The following ZNF616 variants were observed in gnomAD, a reference collection of about 807,000 sequenced individuals.
The protein encoded by ZNF616 is zinc finger protein 616.
Under a neutral mutation model 7.6 loss-of-function variants are expected in ZNF616, and 5 were observed. The observed-to-expected ratio is 0.66, with a 90% CI of 0.34 to 1.38. The LOEUF is 1.38. Ranked by LOEUF, ZNF616 falls within the 40% of genes most tolerant of loss-of-function variation. The pLI is 0.04. For synonymous variants in ZNF616, 319 were observed against 317.2 expected, an observed-to-expected ratio of 1.01 and a Z score of -0.06; for missense variants, 913 against 948.3, an observed-to-expected ratio of 0.96 and a Z score of 0.49.
In ZNF616 at chr19:52,115,721, T is replaced by C; in HGVS notation, c.1443A>G (p.Ala481=). ...CTCCAGTATGAATTCTCTGATGAGC[T>C]GCAAGTCGTGAATGTATGCTGAAAA... ...GKVFSIHSRL[A]AHQRIHTGEK... The change falls in exon 4 of 4, where the codon GCA becomes GCG. Residue 481 remains alanine (A), a synonymous_variant. Transcript: ENST00000600228. The C allele has an allele frequency of 6.2e-7, 1 of 1,614,184 alleles. No homozygotes were observed. The highest frequency in any genetic ancestry group is 8.5e-7 in the Non-Finnish European group (1 of 1,180,024).
intron 2 of ZNF616, among the ~76,000 whole-genome samples, chr19:52,125,522 C>G (rs1364395289): frequency 6.6e-6 from 1 of 152,180 alleles, no homozygotes; most frequent in African/African-American, 2.4e-5. Flanking sequence ...TTCTAGACAT[C>G]CTGGAGTAGG....
At chr19:52,128,292 G>A (rs1230792217) in intron 2 of ZNF616, among the ~76,000 whole-genome samples, 1 of 151,978 alleles carries the variant, frequency 6.6e-6, no homozygotes, top group African/African-American at 2.4e-5. Flanking sequence ...TGGACTGTGA[G>A]GAGGTTTCAT....
chr19:52,131,740 A>G (rs923487314), intron 1 of ZNF616, among the ~76,000 whole-genome samples: 1 of 152,156 alleles, frequency 6.6e-6, no homozygotes, highest in Non-Finnish European at 1.5e-5. Context: ...TTGGGTTGCC[A>G]TTTTCCCCAG....
In ZNF616 at chr19:52,116,622, C is replaced by T. The variant is rs747966574; in HGVS notation, c.542G>A (p.Arg181Lys). 48 of 1,613,782 alleles carry T rather than the reference C, an allele frequency of 3.0e-5. No individual in the cohort carries two copies. In the East Asian group the frequency reaches 1.0e-3, roughly 34 times the overall value. ...NNGCLVSPHIREKTYVCNECG... is the reference protein window; with the variant it reads ...NNGCLVSPHIKEKTYVCNECG... ...TTCATTACATACATACGTTTTTTCC[C>T]TAATGTGTGGAGAAACTAAACAACC... The change falls in exon 4 of 4, where the codon AGG (arginine) becomes AAG (lysine). Residue 181 changes from arginine (R) to lysine (K), a missense_variant. Transcript: ENST00000600228.
At chr19:52,137,053 G>GTGTATATATATA (rs958896902) in intron 1 of ZNF616, among the ~76,000 whole-genome samples, 3 of 143,714 alleles carry the variant, frequency 2.1e-5, no homozygotes, top group African/African-American at 7.8e-5. Flanking sequence ...TTATGTATGT[G>GTGTATATATATA]TATATATATA....
At chr19:52,131,137 A>G (rs2088956535) in intron 1 of ZNF616, among the ~76,000 whole-genome samples, 1 of 152,014 alleles carries the variant, frequency 6.6e-6, no homozygotes, top group Non-Finnish European at 1.5e-5. Flanking sequence ...GCATGGTGGC[A>G]CACCCCTTAA....
intron 3 of ZNF616, among the ~76,000 whole-genome samples, chr19:52,120,439 A>G (rs1370885959): frequency 6.6e-6 from 1 of 152,202 alleles, no homozygotes; most frequent in Non-Finnish European, 1.5e-5. Flanking sequence ...ACATTCAGCA[A>G]AACAGCAAGA....
At chr19:52,135,080 C>T (rs2088996100) in intron 1 of ZNF616, among the ~76,000 whole-genome samples, 1 of 152,108 alleles carries the variant, frequency 6.6e-6, no homozygotes, top group Non-Finnish European at 1.5e-5. Flanking sequence ...TGCCATAGAC[C>T]CACCACAGAA....
At chr19:52,127,137 C>T (rs1265631494) in intron 2 of ZNF616, among the ~76,000 whole-genome samples, 1 of 152,070 alleles carries the variant, frequency 6.6e-6, no homozygotes, top group Admixed American at 6.6e-5. Flanking sequence ...TCACTGCAAC[C>T]TCCACCTCCC....
rs566933166 is a variant in ZNF616 at position 52,126,646 on chromosome 19, T to C, written c.13-2597A>G. Among the ~76,000 whole-genome samples the C allele has an allele frequency of 4.9e-4, 74 of 151,318 alleles. 1 individual carries two copies. In the South Asian group the frequency reaches 0.015, roughly 31 times the overall value. On this transcript the variant is annotated intron_variant, in intron 2 of 3. Transcript: ENST00000600228. Reference sequence around the variant, plus strand: ...AGCCAGGTGTGGTGGCACGTGCCTGTAGTCCCAGCTACTCAGGGAGACTGA... The same window carrying C: ...AGCCAGGTGTGGTGGCACGTGCCTGCAGTCCCAGCTACTCAGGGAGACTGA...
Position 52,139,038 on chromosome 19 carries a change from C to T in ZNF616, c.-77+694G>A, listed in dbSNP as rs1204624480. ...GCTTTTCTCCCCGTGCTACTTTCTC[C>T]ATGCGTCCTCTTGCACTCTTGCTCT... On this transcript the variant is annotated intron_variant, in intron 1 of 3. Coordinates refer to ENST00000600228, the MANE Select transcript of ZNF616 (RefSeq NM_178523.5). The surrounding 1 kb of genome is among the most constrained non-coding windows in gnomAD (Gnocchi z 4.1). Among the ~76,000 whole-genome samples, 11 of 152,192 alleles carry T rather than the reference C, an allele frequency of 7.2e-5. No individual in the cohort carries two copies. Among genetic ancestry groups the T allele is most frequent in the African/African-American group, 2.4e-4 (10 of 41,450 alleles).
chr19:52,133,523 T>TGTG (rs1555785787), intron 1 of ZNF616, among the ~76,000 whole-genome samples: 5 of 151,850 alleles, frequency 3.3e-5, no homozygotes, highest in Admixed American at 6.6e-5. Flanking sequence ...ACCTGGGTTT[T>TGTG]TGTGTGTGTG....
chr19:52,115,166 A>G lies in ZNF616; in HGVS notation c.1998T>C (p.Cys666=). Residue 666 remains cysteine (C), a synonymous_variant, in exon 4 of 4, where the codon TGT becomes TGC. Coordinates refer to ENST00000600228, the MANE Select transcript of ZNF616 (RefSeq NM_178523.5). ...TTGAGCTCCGTTTAAAGGTTTTGCC[A>G]CACTCATTACATTTGTAAGGTCTGT... ...TGDRPYKCNE[C]GKTFKRSSNL... 1.2e-6 allele frequency: 2 copies of G among 1,614,172 alleles called. No individual in the cohort carries two copies. The highest frequency in any genetic ancestry group is 1.7e-6 in the Non-Finnish European group (2 of 1,180,026).
At chr19:52,126,334 C>G (rs2088907350) in intron 2 of ZNF616, among the ~76,000 whole-genome samples, 1 of 152,100 alleles carries the variant, frequency 6.6e-6, no homozygotes, top group African/African-American at 2.4e-5. Flanking sequence ...TCGAGACCAG[C>G]CTGGCCAACA....
At position 52,124,014 on chromosome 19, in the gene ZNF616, G is replaced by T. The variant is rs2088884927; in HGVS notation, c.48C>A (p.Phe16Leu). ...HLTFKDVAIE[F>L]SQEEWKCLEP... ...CCAGGCATTTCCACTCCTCCTGAGA[G>T]AATTCTATGGCTACATCCTTGAATG... The change falls in exon 3 of 4, where the codon TTC (phenylalanine) becomes TTA (leucine). Residue 16 changes from phenylalanine to leucine, a missense_variant. Physicochemically the swap from Phe to Leu is conservative, Grantham distance 22. Transcript: ENST00000600228. 6.2e-7 allele frequency: 1 copy of T among 1,612,540 alleles called. No individual in the cohort carries two copies. The highest frequency in any genetic ancestry group is 8.5e-7 in the Non-Finnish European group (1 of 1,179,592).
chr19:52,120,906 AAAGT>A (rs1401755653), intron 3 of ZNF616, among the ~76,000 whole-genome samples: 17 of 152,324 alleles, frequency 1.1e-4, no homozygotes, highest in Non-Finnish European at 1.6e-4. Context: ...AGACAGAAAA[AAAGT>A]AAGTAAATAG....
chr19:52,123,839 G>A (rs901173989), intron 3 of ZNF616, 84 bp downstream of exon 3: 32 of 1,555,406 alleles, frequency 2.1e-5, no homozygotes, highest in African/African-American at 1.6e-4. Flanking sequence ...CTCAAATAAC[G>A]GAGGGGTTCC....
In ZNF616 at chr19:52,116,917, CAA is replaced by C; in HGVS notation, c.245_246del (p.Ile82ArgfsTer14). 2 of 1,613,956 alleles carry C rather than the reference CAA, an allele frequency of 1.2e-6. No individual in the cohort carries two copies. The highest frequency in any genetic ancestry group is 8.5e-7 in the Non-Finnish European group (1 of 1,179,952). On this transcript the variant is annotated frameshift_variant, in exon 4 of 4. Transcript: ENST00000600228. LOFTEE classifies it low-confidence loss of function (END_TRUNC). ...TGTATTTCCCTGAAGTATAAATTTT[CAA>C]TATCATAGCTTTGATGTCTTTCCAG... ...VALERHQSYD[I>X]ENLYFREIQK...
chr19:52,128,604 C>T (rs868597325), intron 2 of ZNF616, among the ~76,000 whole-genome samples: 3 of 151,752 alleles, frequency 2.0e-5, no homozygotes, highest in Non-Finnish European at 4.4e-5. Flanking sequence ...TAGCCAGGCA[C>T]GGTGGTGCAT....
Sources: allele counts gnomAD v4.1 joint callset (sites outside exome capture counted in the v4.1 genomes callset), GRCh38; gene constraint gnomAD v4.1.1; non-coding constraint Gnocchi (gnomAD v3.1); transcripts MANE v1.5; gene names NCBI Gene and HGNC (gene_info 2026-07-23, HGNC 2026-07-21).